RYR2: variants seen among roughly 807,000 people sequenced by gnomAD.
RYR2 encodes the protein ryanodine receptor 2.
A neutral mutation model predicts 601.1 loss-of-function variants in RYR2; 227 were observed. The observed-to-expected ratio is 0.38, with a 90% CI of 0.34 to 0.42. RYR2 has a LOEUF of 0.42. Ranked by LOEUF, RYR2 falls within the 10% of genes least tolerant of loss-of-function variation. The pLI is 1.00. For missense variants in RYR2, 4,646 were observed against 6,156.5 expected, an observed-to-expected ratio of 0.75 and a Z score of 8.21; for synonymous variants, 2,223 against 2,175.1, an observed-to-expected ratio of 1.02 and a Z score of -0.61.
chr1:237,683,168 A>G (rs924980627), intron 62 of RYR2, among the ~76,000 whole-genome samples: 1 of 152,254 alleles, frequency 6.6e-6, no homozygotes, highest in Admixed American at 6.5e-5. Flanking sequence ...ATAAATAAGC[A>G]TGTCTTCATT....
chr1:237,464,091 C>T (rs1475783679), intron 16 of RYR2, among the ~76,000 whole-genome samples: 1 of 152,100 alleles, frequency 6.6e-6, no homozygotes, highest in Non-Finnish European at 1.5e-5. Flanking sequence ...TGCGTGCTTG[C>T]AGAATAACAC....
intron 1 of RYR2, among the ~76,000 whole-genome samples, chr1:237,097,008 G>C (rs898154292): frequency 6.6e-6 from 1 of 152,184 alleles, no homozygotes; most frequent in Admixed American, 6.6e-5. Context: ...TTTTAGTCTT[G>C]CCTGTTTTTT....
intron 4 of RYR2, among the ~76,000 whole-genome samples, chr1:237,357,328 A>G (rs1699389557): frequency 6.6e-6 from 1 of 152,156 alleles, no homozygotes; most frequent in African/African-American, 2.4e-5. Flanking sequence ...CAGAACACGT[A>G]TGACACCTCT....
intron 37 of RYR2, among the ~76,000 whole-genome samples, chr1:237,615,105 T>G (rs903966336): frequency 2.6e-5 from 4 of 152,200 alleles, no homozygotes; most frequent in Non-Finnish European, 5.9e-5. Flanking sequence ...CACCCATATT[T>G]CCACTCTTAC....
chr1:237,388,329 G>A (rs1702112839), intron 10 of RYR2, 146 bp downstream of exon 10: 1 of 680,592 alleles, frequency 1.5e-6, no homozygotes, highest in East Asian at 2.9e-5. Flanking sequence ...TGATCCATTT[G>A]TTGCCCCCTC....
intron 2 of RYR2, among the ~76,000 whole-genome samples, chr1:237,304,676 C>A (rs1693696060): frequency 6.6e-6 from 1 of 152,140 alleles, no homozygotes; most frequent in African/African-American, 2.4e-5. Flanking sequence ...ATGTATTAAT[C>A]TTACATATAG....
chr1:237,424,778 T>C (rs1705970870), intron 12 of RYR2, among the ~76,000 whole-genome samples: 1 of 152,188 alleles, frequency 6.6e-6, no homozygotes, highest in Non-Finnish European at 1.5e-5. Flanking sequence ...TTATTAATCT[T>C]ATAATGGTGT....
chr1:237,162,964 G>A (rs551617501), intron 1 of RYR2, among the ~76,000 whole-genome samples: 103 of 152,268 alleles, frequency 6.8e-4, no homozygotes, highest in Non-Finnish European at 1.2e-3. Context: ...TGCTACTTCA[G>A]TAGAAACAGG....
chr1:237,766,081 C>T, intron 84 of RYR2, among the ~76,000 whole-genome samples: 1 of 152,102 alleles, frequency 6.6e-6, no homozygotes, highest in South Asian at 2.1e-4. Flanking sequence ...GTTCAAGGTA[C>T]CAAACACGGC....
At chr1:237,810,723 G>C (rs889609725) in intron 100 of RYR2, among the ~76,000 whole-genome samples, 1 of 152,046 alleles carries the variant, frequency 6.6e-6, no homozygotes, top group Non-Finnish European at 1.5e-5. Flanking sequence ...TCCTGATTAA[G>C]TCAGTTACGA....
intron 48 of RYR2, among the ~76,000 whole-genome samples, chr1:237,644,741 A>G (rs761559669): frequency 2.0e-5 from 3 of 152,072 alleles, no homozygotes; most frequent in Non-Finnish European, 2.9e-5. Context: ...AGAACAAAAC[A>G]TAATTAGGGG....
intron 16 of RYR2, among the ~76,000 whole-genome samples, chr1:237,460,882 T>C (rs1659400720): frequency 6.6e-6 from 1 of 152,206 alleles, no homozygotes; most frequent in African/African-American, 2.4e-5. Context: ...CATATTGTTG[T>C]TCTTCTTATC....
At chr1:237,288,889 A>G (rs1691882217) in intron 2 of RYR2, among the ~76,000 whole-genome samples, 1 of 152,048 alleles carries the variant, frequency 6.6e-6, no homozygotes, top group Non-Finnish European at 1.5e-5. Flanking sequence ...CTGCCTGTGG[A>G]GTTTTACCCC....
intron 1 of RYR2, among the ~76,000 whole-genome samples, chr1:237,265,197 G>T (rs989511391): frequency 6.6e-6 from 1 of 152,148 alleles, no homozygotes; most frequent in African/African-American, 2.4e-5. Flanking sequence ...AGAGAAGAGA[G>T]AAAGGGGTTT....
intron 74 of RYR2, among the ~76,000 whole-genome samples, chr1:237,723,838 T>C (rs930516423): frequency 2.0e-5 from 3 of 152,116 alleles, no homozygotes; most frequent in Non-Finnish European, 2.9e-5. Flanking sequence ...TGTCCTACTT[T>C]ACACTACAAA....
At chr1:237,334,847 C>T (rs1186836306) in intron 3 of RYR2, among the ~76,000 whole-genome samples, 1 of 152,154 alleles carries the variant, frequency 6.6e-6, no homozygotes, top group Non-Finnish European at 1.5e-5. Context: ...GGGTTAAAAA[C>T]AGGGGTTTAT....
intron 88 of RYR2, among the ~76,000 whole-genome samples, chr1:237,780,650 G>T (rs547344124): frequency 3.5e-4 from 53 of 152,098 alleles, no homozygotes; most frequent in Non-Finnish European, 6.2e-4. Context: ...GTTTCTTTAT[G>T]GTAAAAAATC....
At chr1:237,222,039 G>C (rs1188061913) in intron 1 of RYR2, among the ~76,000 whole-genome samples, 1 of 152,140 alleles carries the variant, frequency 6.6e-6, no homozygotes, top group Non-Finnish European at 1.5e-5. Context: ...GGAGGAGCTA[G>C]TGTTCCATGG....
At chr1:237,788,610 T>C (rs1235180945) in intron 92 of RYR2, among the ~76,000 whole-genome samples, 1 of 152,156 alleles carries the variant, frequency 6.6e-6, no homozygotes, top group Non-Finnish European at 1.5e-5. Context: ...AGTATTTCTA[T>C]AACATCACCC....
Sources: gnomAD v4.1 joint callset for allele counts (sites outside exome capture counted in the v4.1 genomes callset) on GRCh38, gnomAD v4.1.1 for gene constraint, MANE v1.5 for transcripts, NCBI Gene and HGNC (gene_info 2026-07-23, HGNC 2026-07-21) for gene names.